The following TMEM108 variants were observed in gnomAD, a reference collection of about 807,000 sequenced individuals.
The protein encoded by TMEM108 is cancer/testis antigen 124.
A neutral mutation model predicts 35.1 loss-of-function variants in TMEM108; 12 were observed. That is an observed-to-expected ratio of 0.34 (90% CI 0.22 to 0.55). The LOEUF is 0.55. TMEM108 is among the 20% of genes least tolerant of loss of function. The pLI is 0.89. For missense variants in TMEM108, 680 were observed against 753.3 expected, an observed-to-expected ratio of 0.90 and a Z score of 1.14; for synonymous variants, 287 against 308.6, an observed-to-expected ratio of 0.93 and a Z score of 0.73.
chr3:133,207,311 A>G (rs575655704), intron 2 of TMEM108, among the ~76,000 whole-genome samples: 16 of 132,514 alleles, frequency 1.2e-4, no homozygotes, highest in African/African-American at 4.7e-4. Flanking sequence ...CATGGGCTGA[A>G]CCCACTTTCT....
At chr3:133,230,923 TCTTAACACC>T (rs747456510) in intron 3 of TMEM108, among the ~76,000 whole-genome samples, 6 of 152,184 alleles carry the variant, frequency 3.9e-5, no homozygotes, top group Admixed American at 6.5e-5. Context: ...AACGACTGTG[TCTTAACACC>T]TTGCTGTTTG....
chr3:133,290,648 CAAAA>C (rs986592910), intron 3 of TMEM108, among the ~76,000 whole-genome samples: 1 of 150,652 alleles, frequency 6.6e-6, no homozygotes, highest in East Asian at 1.9e-4. Context: ...AACAAATAAA[CAAAA>C]AAACCGATTC....
At chr3:133,209,901 C>G (rs1945812062) in intron 2 of TMEM108, among the ~76,000 whole-genome samples, 4 of 152,010 alleles carry the variant, frequency 2.6e-5, no homozygotes, top group Admixed American at 2.0e-4. Context: ...CCTTTTCAGT[C>G]ACTATCTCCT....
At chr3:133,246,285 G>C (rs772704290) in intron 3 of TMEM108, 6 of 152,148 alleles carry the variant, frequency 3.9e-5, no homozygotes, top group Non-Finnish European at 8.8e-5. Flanking sequence ...AGCCCTTCCT[G>C]TCCCATATCA....
rs567522820 is a variant in TMEM108, at chr3:133,179,370, G to A, written c.-46-49896G>A. On this transcript the variant is annotated intron_variant, in intron 2 of 5. Transcript: ENST00000321871. ...ACACATGCACACGTATGTTTATTGTGGCACTATTCACAATAGCAAAGACTT... is the reference window on the plus strand; with the variant it reads ...ACACATGCACACGTATGTTTATTGTAGCACTATTCACAATAGCAAAGACTT... Among the ~76,000 whole-genome samples, 644 of 152,174 alleles carry A rather than the reference G, an allele frequency of 4.2e-3. 3 individuals carry two copies. The highest frequency in any genetic ancestry group is 0.014 in the African/African-American group (593 of 41,512).
intron 3 of TMEM108, among the ~76,000 whole-genome samples, chr3:133,231,779 C>T (rs919787765): frequency 2.6e-5 from 4 of 152,102 alleles, no homozygotes; most frequent in African/African-American, 7.2e-5. Context: ...TGGACATTAG[C>T]CAGTTCATAA....
chr3:133,118,604 G>C (rs1045604274), intron 2 of TMEM108, among the ~76,000 whole-genome samples: 2 of 152,148 alleles, frequency 1.3e-5, no homozygotes, highest in Non-Finnish European at 2.9e-5. Flanking sequence ...CTTGGGTATT[G>C]TTACCAGATT....
intron 3 of TMEM108, among the ~76,000 whole-genome samples, chr3:133,237,306 A>G (rs950044231): frequency 3.9e-5 from 6 of 152,026 alleles, no homozygotes; most frequent in African/African-American, 1.4e-4. Context: ...ATGCATTTGG[A>G]TACTAGCAAT....
Position 133,380,449 on chromosome 3 carries a change from T to C in TMEM108, c.738T>C (p.Ser246=), listed in dbSNP as rs1228807190. The C allele has an allele frequency of 6.2e-7, 1 of 1,613,852 alleles. No homozygotes were observed. Among genetic ancestry groups the C allele is most frequent in the Non-Finnish European group, 8.5e-7 (1 of 1,179,974 alleles). Reference sequence around the variant, plus strand: ...GGACCCCACTCTGGGGCTACTCCTCTTCACCACAGCCCCAGACAGTGGCTG... The same window carrying C: ...GGACCCCACTCTGGGGCTACTCCTCCTCACCACAGCCCCAGACAGTGGCTG... The part of the protein sequence containing the change: ...TPRTPLWGYS[S]SPQPQTVAAT... The change falls in exon 4 of 6, where the codon TCT becomes TCC. Residue 246 remains serine (S), a synonymous_variant. Transcript: ENST00000321871. This position sits in a 1 kb window ranked among gnomAD's most constrained non-coding sequence, Gnocchi z 5.3.
rs1943230975 is a variant in TMEM108 at position 133,038,420 on chromosome 3, G to C, written c.-181G>C. On this transcript the variant is annotated 5_prime_UTR_variant, in exon 1 of 6. Coordinates refer to ENST00000321871, the MANE Select transcript of TMEM108 (RefSeq NM_023943.4). ...TCTCCTGAGCCGTCGGAGGGAGCCG[G>C]AGCGCTTCTCCCGAGGTAAGCGGCG... 2 of 152,358 alleles carry C rather than the reference G, an allele frequency of 1.3e-5. No individual in the cohort carries two copies. Among genetic ancestry groups the C allele is most frequent in the Non-Finnish European group, 2.9e-5 (2 of 68,112 alleles). The allele number at this position is 152,358 out of a possible 1,614,324, so 9.4% of individuals were successfully genotyped here. A position where few individuals can be genotyped will look rare whatever the true frequency, so the allele number is the denominator to read the frequency against.
intron 2 of TMEM108, among the ~76,000 whole-genome samples, chr3:133,174,282 T>C (rs1487558781): frequency 6.6e-6 from 1 of 152,158 alleles, no homozygotes; most frequent in Non-Finnish European, 1.5e-5. Flanking sequence ...GGCAGCAGAA[T>C]CCTCTGCAGA....
At chr3:133,136,475 C>A (rs1010783877) in intron 2 of TMEM108, among the ~76,000 whole-genome samples, 33 of 152,316 alleles carry the variant, frequency 2.2e-4, no homozygotes, top group African/African-American at 7.7e-4. Flanking sequence ...CCTGTAAGCC[C>A]AGACTAGGGC....
At chr3:133,077,222 A>G (rs767819048) in intron 2 of TMEM108, among the ~76,000 whole-genome samples, 6 of 152,186 alleles carry the variant, frequency 3.9e-5, no homozygotes, top group African/African-American at 7.2e-5. Context: ...TGTTTTATAA[A>G]TTGTTGCAAA....
chr3:133,359,011 G>A (rs1386513757), intron 3 of TMEM108, among the ~76,000 whole-genome samples: 2 of 152,108 alleles, frequency 1.3e-5, no homozygotes, highest in Non-Finnish European at 2.9e-5. Context: ...ATGTTATATT[G>A]AAACAGCCAC....
intron 2 of TMEM108, among the ~76,000 whole-genome samples, chr3:133,163,782 T>C (rs1181588192): frequency 6.6e-6 from 1 of 152,158 alleles, no homozygotes; most frequent in Non-Finnish European, 1.5e-5. Flanking sequence ...CTTCTGATAA[T>C]TTTGCCATTG....
At chr3:133,174,945 G>A (rs1945193440) in intron 2 of TMEM108, among the ~76,000 whole-genome samples, 1 of 152,120 alleles carries the variant, frequency 6.6e-6, no homozygotes, top group Non-Finnish European at 1.5e-5. Flanking sequence ...TTAGACGAAT[G>A]GATAACTAGA....
At position 133,380,385 on chromosome 3, in the gene TMEM108, C is replaced by G. The variant is rs751550284; in HGVS notation, c.674C>G (p.Thr225Arg). 2 of 1,613,810 alleles carry G rather than the reference C, an allele frequency of 1.2e-6. No homozygotes were observed. The highest frequency in any genetic ancestry group is 3.3e-5 in the Admixed American group (2 of 59,982). ...KIFQIYKGNF[T>R]GSVEPEPSTL... ...TTTCAGATCTACAAGGGCAACTTCA[C>G]AGGGTCTGTGGAACCGGAGCCCTCT... Residue 225 changes from threonine to arginine, a missense_variant, in exon 4 of 6, where the codon ACA becomes AGA. This residue lies in a region of TMEM108 where 526 missense variants were observed against 532.1 expected (regional missense o/e 0.99). Coordinates refer to ENST00000321871, the MANE Select transcript of TMEM108 (RefSeq NM_023943.4). The surrounding 1 kb of genome is among the most constrained non-coding windows in gnomAD (Gnocchi z 5.3).
intron 2 of TMEM108, among the ~76,000 whole-genome samples, chr3:133,182,215 C>T (rs936889488): frequency 1.3e-5 from 2 of 152,162 alleles, no homozygotes; most frequent in African/African-American, 4.8e-5. Context: ...ATCGATTAAC[C>T]AGACTACATT....
At chr3:133,200,458 G>A (rs1030901944) in intron 2 of TMEM108, among the ~76,000 whole-genome samples, 5 of 152,198 alleles carry the variant, frequency 3.3e-5, no homozygotes, top group Admixed American at 6.5e-5. Context: ...TAGCCATCCA[G>A]CAGTCGTTCT....
Sources: allele counts gnomAD v4.1 joint callset (sites outside exome capture counted in the v4.1 genomes callset), GRCh38; gene constraint gnomAD v4.1.1; regional missense constraint gnomAD v4.1.1; non-coding constraint Gnocchi (gnomAD v3.1); transcripts MANE v1.5; gene names NCBI Gene and HGNC (gene_info 2026-07-23, HGNC 2026-07-21).